Variants in ASAP1 observed in about 807,000 individuals in gnomAD.
ASAP1 encodes the protein ArfGAP with SH3 domain, ankyrin repeat and PH domain 1, also known as arf-GAP with SH3 domain, ANK repeat and PH domain-containing protein 1.
In ASAP1, 43 loss-of-function variants were observed where a neutral mutation model predicts 145.2. The ratio of observed to expected loss-of-function variants is 0.30; its 90% CI spans 0.23 to 0.38. The LOEUF (loss-of-function observed/expected upper bound fraction) is 0.38. ASAP1 is among the 10% of genes least tolerant of loss of function. The pLI is 1.00. For synonymous variants in ASAP1, 546 were observed against 515.5 expected (o/e 1.06, Z -0.80); for missense variants, 1,018 against 1,355.3 (o/e 0.75, Z 3.91).
chr8:130,189,166 G>A (rs991114243), intron 5 of ASAP1, among the ~76,000 whole-genome samples: 3 of 152,122 alleles, frequency 2.0e-5, no homozygotes, highest in African/African-American at 7.2e-5. Context: ...CTTTGTGCTA[G>A]AACATTTCAA....
intron 1 of ASAP1, among the ~76,000 whole-genome samples, chr8:130,439,242 GGAA>G (rs547732041): frequency 2.0e-3 from 301 of 152,232 alleles, no homozygotes; most frequent in Middle Eastern, 0.014. Context: ...GAAAAGACAA[GGAA>G]ACAAATTCTT....
chr8:130,309,860 G>A (rs1167288975), intron 3 of ASAP1, among the ~76,000 whole-genome samples: 5 of 152,100 alleles, frequency 3.3e-5, no homozygotes, highest in Non-Finnish European at 7.4e-5. Flanking sequence ...GACTGACCAA[G>A]CAAATTTCCT....
chr8:130,300,472 G>C (rs1027706825), intron 3 of ASAP1, among the ~76,000 whole-genome samples: 1 of 152,116 alleles, frequency 6.6e-6, no homozygotes, highest in African/African-American at 2.4e-5. Flanking sequence ...AGTTCTAGCA[G>C]CACACTGGAA....
At position 130,118,666 on chromosome 8, in the gene ASAP1, T is replaced by C; in HGVS notation, c.1617A>G (p.Arg539=). The C allele has an allele frequency of 6.2e-7, 1 of 1,608,822 alleles. No homozygotes were observed. Among genetic ancestry groups the C allele is most frequent in the East Asian group, 2.2e-5 (1 of 44,726 alleles). ...CATACTTTGCAGTGATATATTCTTT[T>C]CGTACAGTCCTAAAACAGAACAAAA... ...KPTPSSDMTV[R]KEYITAKYVD... The change falls in exon 19 of 30, where the codon CGA becomes CGG. Residue 539 remains arginine, a synonymous_variant. Transcript: ENST00000518721.
intron 3 of ASAP1, among the ~76,000 whole-genome samples, chr8:130,318,402 G>A (rs1823796978): frequency 6.6e-6 from 1 of 152,198 alleles, no homozygotes; most frequent in Non-Finnish European, 1.5e-5. Context: ...ATGATGAGGT[G>A]CATTAGCTGT....
intron 4 of ASAP1, 53 bp from the exon 5 acceptor site, chr8:130,214,754 A>G: frequency 1.4e-6 from 2 of 1,464,050 alleles, no homozygotes; most frequent in Non-Finnish European, 1.8e-6. Context: ...TGCCACAATG[A>G]AAAGTTACTT....
At position 130,112,120 on chromosome 8, in the gene ASAP1, G is replaced by C. The variant is rs761366439; in HGVS notation, c.2375C>G (p.Pro792Arg). ...TTTCCCGGCGTTCCTAGGAGGCAGA[G>C]GGGGAGCCTCCGTGGTTGGTGATGT... ...SPTSPTTEAP[P>R]LPPRNAGKGP... The change falls in exon 24 of 30, where the codon CCT (proline) becomes CGT (arginine). Residue 792 changes from proline to arginine, a missense_variant. Pro to Arg is a moderately radical substitution (Grantham distance 103, BLOSUM62 -2). Transcript: ENST00000518721. 2 of 1,613,994 alleles carry C rather than the reference G, an allele frequency of 1.2e-6. No homozygotes were observed. The highest frequency in any genetic ancestry group is 1.7e-6 in the Non-Finnish European group (2 of 1,179,988).
At chr8:130,173,157 G>A (rs1813701402) in intron 9 of ASAP1, among the ~76,000 whole-genome samples, 2 of 152,222 alleles carry the variant, frequency 1.3e-5, no homozygotes, top group African/African-American at 4.8e-5. Context: ...CTTGCAGAAA[G>A]TAATTTCAGG....
intron 3 of ASAP1, among the ~76,000 whole-genome samples, chr8:130,256,752 T>G (rs1169078728): frequency 7.2e-5 from 3 of 41,886 alleles, no homozygotes; most frequent in Non-Finnish European, 1.5e-4. Flanking sequence ...TATATATATA[T>G]ATATATATAT....
At chr8:130,379,494 A>G (rs1354408149) in intron 2 of ASAP1, among the ~76,000 whole-genome samples, 2 of 152,004 alleles carry the variant, frequency 1.3e-5, no homozygotes, top group Non-Finnish European at 2.9e-5. Flanking sequence ...GGGAATTGTG[A>G]CTGGCATCTG....
intron 12 of ASAP1, among the ~76,000 whole-genome samples, chr8:130,155,381 G>A (rs867351684): frequency 8.5e-5 from 13 of 152,236 alleles, no homozygotes; most frequent in South Asian, 4.1e-4. Context: ...TTTTGTGTGC[G>A]AGAGAGACAG....
intron 24 of ASAP1, among the ~76,000 whole-genome samples, chr8:130,093,666 C>CAATAAAAAAAAA (rs2097510596): frequency 1.9e-5 from 1 of 52,210 alleles, no homozygotes; most frequent in Non-Finnish European, 3.4e-5. Flanking sequence ...GACTCCGTCT[C>CAATAAAAAAAAA]AAAAAAAAAA....
At position 130,092,049 on chromosome 8, in the gene ASAP1, G is replaced by A. The variant is rs781189258; in HGVS notation, c.2496C>T (p.Pro832=). 43 of 1,573,806 alleles carry A rather than the reference G, an allele frequency of 2.7e-5. No homozygotes were observed. The highest frequency in any genetic ancestry group is 4.0e-5 in the Admixed American group (2 of 50,600). Residue 832 remains proline, a synonymous_variant, in exon 25 of 30, where the codon CCC becomes CCT. Coordinates refer to ENST00000518721, the MANE Select transcript of ASAP1 (RefSeq NM_018482.4). ...LSKKRPPPPP[P]GHKRTLSDPP... Reference sequence around the variant, plus strand: ...GGTCGGATAGGGTTCTCTTGTGTCCGGGTGGTGGGGGAGGAGGCCTCTTCT... The same window carrying A: ...GGTCGGATAGGGTTCTCTTGTGTCCAGGTGGTGGGGGAGGAGGCCTCTTCT...
At chr8:130,308,952 T>C (rs1407525742) in intron 3 of ASAP1, among the ~76,000 whole-genome samples, 2 of 152,142 alleles carry the variant, frequency 1.3e-5, no homozygotes, top group Non-Finnish European at 2.9e-5. Context: ...AGTCTACAAC[T>C]ATCACGGGCA....
At chr8:130,302,483 G>A (rs1456843799) in intron 3 of ASAP1, among the ~76,000 whole-genome samples, 3 of 152,156 alleles carry the variant, frequency 2.0e-5, no homozygotes, top group South Asian at 2.1e-4. Flanking sequence ...AAACCAACAC[G>A]GCCAGCTGTT....
chr8:130,110,745 G>A (rs1564970066), intron 24 of ASAP1, among the ~76,000 whole-genome samples: 2 of 152,136 alleles, frequency 1.3e-5, no homozygotes, highest in Admixed American at 6.5e-5. Context: ...GTCTCTCTAA[G>A]AACACAGCTC....
chr8:130,394,340 G>T (rs904062865), intron 2 of ASAP1, among the ~76,000 whole-genome samples: 6 of 152,136 alleles, frequency 3.9e-5, no homozygotes, highest in Admixed American at 3.9e-4. Flanking sequence ...ATCTTCTATG[G>T]TCGAGACTGT....
intron 1 of ASAP1, among the ~76,000 whole-genome samples, chr8:130,403,505 G>A (rs1244773990): frequency 6.7e-6 from 1 of 149,156 alleles, no homozygotes; most frequent in Non-Finnish European, 1.5e-5. Flanking sequence ...ACCTTATCCT[G>A]TCTACCAGGC....
At chr8:130,376,844 G>T (rs181691586) in intron 2 of ASAP1, among the ~76,000 whole-genome samples, 1 of 146,088 alleles carries the variant, frequency 6.8e-6, no homozygotes, top group African/African-American at 2.6e-5. Context: ...CAGAGGTTGC[G>T]GTGAGATGAG....
Sources: gnomAD v4.1 joint callset for allele counts (sites outside exome capture counted in the v4.1 genomes callset) on GRCh38, gnomAD v4.1.1 for gene constraint, MANE v1.5 for transcripts, NCBI Gene and HGNC (gene_info 2026-07-23, HGNC 2026-07-21) for gene names.